CFI: variants seen among roughly 807,000 people sequenced by gnomAD.
CFI encodes complement factor I, also known as C3B/C4B inactivator.
CFI carries 66 observed loss-of-function variants against 78.8 expected under a neutral mutation model. The observed-to-expected ratio is 0.84, with a 90% confidence interval of 0.69 to 1.03. CFI has a LOEUF of 1.03. CFI is among the 50% of genes least tolerant of loss of function. The pLI is 0.00. For missense variants in CFI, 706 were observed against 704.5 expected (o/e 1.00, Z -0.02); for synonymous variants, 250 against 232.6 (o/e 1.07, Z -0.68).
chr4:109,777,600 A>G (rs972652546), intron 1 of CFI, among the ~76,000 whole-genome samples: 8 of 152,226 alleles, frequency 5.3e-5, no homozygotes, highest in African/African-American at 1.9e-4. Context: ...AAGGATATCC[A>G]GGAATTGAAC....
At chr4:109,759,111 G>T (rs1726690071) in intron 6 of CFI, among the ~76,000 whole-genome samples, 1 of 151,958 alleles carries the variant, frequency 6.6e-6, no homozygotes, top group African/African-American at 2.4e-5. Flanking sequence ...AAAATAAAAA[G>T]AATTCTTGCC....
intron 4 of CFI, among the ~76,000 whole-genome samples, chr4:109,760,958 C>A (rs1726978058): frequency 6.6e-6 from 1 of 152,170 alleles, no homozygotes; most frequent in Non-Finnish European, 1.5e-5. Context: ...CTGCTATACT[C>A]ATCCTCACCC....
downstream of CFI, among the ~76,000 whole-genome samples, chr4:109,737,472 T>A (rs770787745): frequency 6.6e-6 from 1 of 152,202 alleles, no homozygotes; most frequent in Non-Finnish European, 1.5e-5. Flanking sequence ...CCTGGCAAGG[T>A]GCAGCCGCAT....
At chr4:109,789,225 C>T (rs1408498698) in intron 1 of CFI, among the ~76,000 whole-genome samples, 1 of 151,744 alleles carries the variant, frequency 6.6e-6, no homozygotes, top group Non-Finnish European at 1.5e-5. Flanking sequence ...TAGCCTAGTA[C>T]ATATGTAATT....
chr4:109,755,791 C>A (rs1726059462), intron 7 of CFI, among the ~76,000 whole-genome samples: 1 of 152,150 alleles, frequency 6.6e-6, no homozygotes, highest in African/African-American at 2.4e-5. Flanking sequence ...AAGACACTTG[C>A]CCAGCTAGAT....
chr4:109,776,142 G>C (rs1729205943), intron 1 of CFI, among the ~76,000 whole-genome samples: 1 of 152,158 alleles, frequency 6.6e-6, no homozygotes, highest in Admixed American at 6.5e-5. Context: ...AGAGAAGAAG[G>C]CTTCAGACAA....
chr4:109,771,084 C>T (rs140789473), intron 1 of CFI, among the ~76,000 whole-genome samples: 1 of 152,106 alleles, frequency 6.6e-6, no homozygotes, highest in African/African-American at 2.4e-5. Flanking sequence ...TGTCCTTATG[C>T]TTTCAGTAGG....
At chr4:109,798,008 A>G (rs4698786) in intron 1 of CFI, among the ~76,000 whole-genome samples, 27,199 of 152,176 alleles carry the variant, frequency 0.18, 4,606 homozygotes, top group African/African-American at 0.43. Flanking sequence ...GCCTTAAAAA[A>G]GAAGGAAATC....
chr4:109,736,988 T>C (rs962486101), downstream of CFI, among the ~76,000 whole-genome samples: 5 of 152,196 alleles, frequency 3.3e-5, no homozygotes, highest in Non-Finnish European at 7.3e-5. Flanking sequence ...TCCCTCTCCC[T>C]AGTACTGTAA....
chr4:109,749,274 G>A lies in CFI; in HGVS notation c.1092C>T (p.Thr364=). 6.2e-7 allele frequency: 1 copy of A among 1,614,150 alleles called. No homozygotes were observed. Among genetic ancestry groups the A allele is most frequent in the Non-Finnish European group, 8.5e-7 (1 of 1,180,034 alleles). The change falls in exon 10 of 13, where the codon ACC becomes ACT. Residue 364 remains threonine, a synonymous_variant. Transcript: ENST00000394634. ...AGCCACCAATATAAATTCCCCCACA[G>A]GTGATTCCACTGGCATCCTTAATTG... ...QVAIKDASGI[T]CGGIYIGGCW... is the part of the protein sequence containing the mutation.
rs1727066561 is a variant in CFI at position 109,761,599 on chromosome 4, A to G, written c.576T>C (p.Ser192=). Residue 192 remains serine, a synonymous_variant, in exon 4 of 13, where the codon AGT becomes AGC. Coordinates refer to ENST00000394634, the MANE Select transcript of CFI (RefSeq NM_000204.5). The part of the protein sequence containing the change: ...LHVHCRGLET[S]LAECTFTKRR... ...TCTTAGTAAAAGTACATTCAGCCAA[A>G]CTGGTCTCTAATCCTCGGCAATGCA... The G allele has an allele frequency of 6.2e-7, 1 of 1,613,986 alleles. No individual in the cohort carries two copies. Among genetic ancestry groups the G allele is most frequent in the Non-Finnish European group, 8.5e-7 (1 of 1,179,904 alleles).
intron 2 of CFI, among the ~76,000 whole-genome samples, 172 bp downstream of exon 2, chr4:109,766,382 T>A (rs1449496007): frequency 6.6e-6 from 1 of 152,202 alleles, no homozygotes; most frequent in African/African-American, 2.4e-5. Context: ...GCTGGCTGGA[T>A]TCTGGCAACC....
chr4:109,749,172 T>C, intron 10 of CFI, 46 bp downstream of exon 10: 1 of 1,509,542 alleles, frequency 6.6e-7, no homozygotes, highest in South Asian at 1.1e-5. Context: ...TATTACTCAC[T>C]TTCATTGTTT....
chr4:109,770,633 G>GAA lies in CFI; in HGVS notation c.58-3811_58-3810dup, dbSNP rs370657391. On this transcript the variant is annotated intron_variant, in intron 1 of 12. Transcript: ENST00000394634. ...GACATGAAAATATGAACACAGACCA[G>GAA]AAAAAAAAAAAAAAAAAAGAAAGTC... 1.4e-3 allele frequency among the ~76,000 whole-genome samples: 106 copies of GAA among 78,282 alleles called. 3 individuals carry two copies. The highest frequency in any genetic ancestry group is 3.0e-3 in the African/African-American group (72 of 23,622). 51.4% of individuals were successfully genotyped at this position (78,282 alleles called of 152,430 possible).
At chr4:109,778,659 C>T (rs1231751514) in intron 1 of CFI, among the ~76,000 whole-genome samples, 1 of 152,124 alleles carries the variant, frequency 6.6e-6, no homozygotes, top group Non-Finnish European at 1.5e-5. Context: ...GATACCAAAG[C>T]CTGGCAGAGA....
chr4:109,791,589 C>A (rs925853978), intron 1 of CFI, among the ~76,000 whole-genome samples: 1 of 152,078 alleles, frequency 6.6e-6, no homozygotes. Context: ...ACATTTAATT[C>A]TTTAATCTAT....
At chr4:109,795,104 A>G (rs1166902609) in intron 1 of CFI, among the ~76,000 whole-genome samples, 4 of 152,244 alleles carry the variant, frequency 2.6e-5, no homozygotes, top group Non-Finnish European at 5.9e-5. Flanking sequence ...TACCCTACAC[A>G]GCATACACGA....
intron 3 of CFI, 25 bp downstream of exon 3, chr4:109,764,512 A>G (rs764542446): frequency 6.2e-7 from 1 of 1,613,520 alleles, no homozygotes; most frequent in Non-Finnish European, 8.5e-7. Flanking sequence ...CAGCCATGAG[A>G]AAATCCACTG....
intron 7 of CFI, among the ~76,000 whole-genome samples, chr4:109,756,720 T>TC (rs1726198484): frequency 6.6e-6 from 1 of 150,776 alleles, no homozygotes; most frequent in Non-Finnish European, 1.5e-5. Context: ...ATTAGCCAGG[T>TC]GTGGTGGCAC....
Sources: gnomAD v4.1 joint callset for allele counts (sites outside exome capture counted in the v4.1 genomes callset) on GRCh38, gnomAD v4.1.1 for gene constraint, MANE v1.5 for transcripts, NCBI Gene and HGNC (gene_info 2026-07-23, HGNC 2026-07-21) for gene names.